C6orf120: variants seen among roughly 807,000 people sequenced by gnomAD.
The protein encoded by C6orf120 is chromosome 6 open reading frame 120.
For missense variants in C6orf120, 311 were observed against 264.2 expected (o/e 1.18, Z -1.23); for synonymous variants, 165 against 123.1 (o/e 1.34, Z -2.25).
chr6:169,705,438 A>G (rs561788446), downstream of C6orf120: 1 of 754,308 alleles, frequency 1.3e-6, no homozygotes, highest in African/African-American at 1.8e-5. Flanking sequence ...CAAATCGCCA[A>G]AGAGAAATGA....
exon 1 of C6orf120, chr6:169,703,966 C>G: frequency 6.9e-7 from 1 of 1,442,920 alleles, no homozygotes; most frequent in Non-Finnish European, 9.4e-7. Context: ...AAATATTCCA[C>G]TTAAATGCAT....
rs1269602732 is a variant in C6orf120, at chr6:169,704,161, T to C, written c.*1126T>C. 5 of 1,117,628 alleles carry C rather than the reference T, an allele frequency of 4.5e-6. No homozygotes were observed. In the Admixed American group the frequency reaches 1.5e-4, roughly 34 times the overall value. The allele number at this position is 1,117,628 out of a possible 1,614,324, so 69.2% of individuals were successfully genotyped here. A position where few individuals can be genotyped will look rare whatever the true frequency, so the allele number is the denominator to read the frequency against. On this transcript the variant is annotated 3_prime_UTR_variant, in exon 1 of 1. Coordinates refer to ENST00000332290, the Ensembl canonical transcript of C6orf120. ...CTGAATTTTAAGCCCATCTAAACTCTTCTGCCTTAGCTATCACTAATGATA... is the reference window on the plus strand; with the variant it reads ...CTGAATTTTAAGCCCATCTAAACTCCTCTGCCTTAGCTATCACTAATGATA...
downstream of C6orf120, chr6:169,704,897 T>C: frequency 2.6e-6 from 1 of 388,928 alleles, no homozygotes; most frequent in Non-Finnish European, 4.7e-6. Context: ...GCTCATTCTA[T>C]AGAACTATAC....
chr6:169,702,958 G>A (rs1788485317), exon 1 of C6orf120: 2 of 1,608,442 alleles, frequency 1.2e-6, no homozygotes, highest in Non-Finnish European at 8.5e-7. Context: ...CCCGGAAGAC[G>A]CCTCGCAAGA....
downstream of C6orf120, chr6:169,705,064 G>T: frequency 8.4e-7 from 1 of 1,187,034 alleles, no homozygotes; most frequent in Non-Finnish European, 1.2e-6. Flanking sequence ...TAGCGTTTAT[G>T]CAGCCTTTTG....
downstream of C6orf120, chr6:169,705,028 GA>G: frequency 2.7e-6 from 2 of 754,132 alleles, no homozygotes; most frequent in South Asian, 4.6e-5. Flanking sequence ...TTGCACATAA[GA>G]GTCCACAAGC....
At chr6:169,703,854 G>A (rs1406123444) in exon 1 of C6orf120, 13 of 614,008 alleles carry the variant, frequency 2.1e-5, no homozygotes, top group Admixed American at 1.2e-4. Flanking sequence ...AGTTAGTTTC[G>A]AGAGTAAGCG....
downstream of C6orf120, chr6:169,705,703 T>G (rs373121095): frequency 2.9e-5 from 46 of 1,577,092 alleles, no homozygotes; most frequent in Admixed American, 5.3e-4. Context: ...ATTCCACATA[T>G]AGCATTTGGA....
At chr6:169,706,278 C>T (rs1049105960), downstream of C6orf120, among the ~76,000 whole-genome samples, 4 of 151,896 alleles carry the variant, frequency 2.6e-5, no homozygotes, top group Non-Finnish European at 4.4e-5. Flanking sequence ...CATACATTGG[C>T]GTGTACATAA....
At chr6:169,703,320 T>G (rs1788550530) in exon 1 of C6orf120, 1 of 446,304 alleles carries the variant, frequency 2.2e-6, no homozygotes, top group African/African-American at 2.0e-5. Flanking sequence ...GTAACAGGTT[T>G]ATATAAAATA....
exon 1 of C6orf120, chr6:169,703,753 A>AAG: frequency 8.3e-6 from 4 of 479,334 alleles, no homozygotes; most frequent in Non-Finnish European, 1.5e-5. Context: ...AGAAACAGTT[A>AAG]AGTATCTTAA....
chr6:169,703,271 C>T (rs1788543176), exon 1 of C6orf120: 3 of 564,886 alleles, frequency 5.3e-6, no homozygotes, highest in South Asian at 2.4e-5. Context: ...AGTGTTTAGA[C>T]TCCATTTTCA....
At chr6:169,702,649 A>C in exon 1 of C6orf120, 1 of 1,613,410 alleles carries the variant, frequency 6.2e-7, no homozygotes, top group East Asian at 2.2e-5. Context: ...CCACGAGGGC[A>C]AGATAGTCCT....
At chr6:169,702,338 C>A (rs1585283924) in exon 1 of C6orf120, 3 of 652,024 alleles carry the variant, frequency 4.6e-6, no homozygotes, top group Middle Eastern at 4.1e-4. Context: ...AGCGACAGAC[C>A]AGGCGCCTGG....
At chr6:169,705,383 A>G (rs996328738), downstream of C6orf120, 45 of 1,162,286 alleles carry the variant, frequency 3.9e-5, no homozygotes, top group Non-Finnish European at 5.3e-5. Flanking sequence ...TATGGCACAT[A>G]AAATACTAGT....
chr6:169,705,181 C>T, downstream of C6orf120: 1 of 1,613,264 alleles, frequency 6.2e-7, no homozygotes, highest in Non-Finnish European at 8.5e-7. Flanking sequence ...TAACCTCTGT[C>T]ACACATATCA....
chr6:169,702,255 C>T, exon 1 of C6orf120: 2 of 690,024 alleles, frequency 2.9e-6, no homozygotes, highest in Admixed American at 2.0e-5. Flanking sequence ...CCTGAGTGGG[C>T]GCCGCGCTAC....
At chr6:169,703,519 T>C (rs1161191386) in exon 1 of C6orf120, 1 of 201,352 alleles carries the variant, frequency 5.0e-6, no homozygotes, top group African/African-American at 2.4e-5. Context: ...ATGGTACTTT[T>C]CTATACAAAA....
chr6:169,705,143 A>C, downstream of C6orf120: 2 of 1,605,902 alleles, frequency 1.2e-6, no homozygotes, highest in South Asian at 1.1e-5. Flanking sequence ...CTGATGGAAT[A>C]GCACCAAGGC....
Sources: gnomAD v4.1 joint callset for allele counts (sites outside exome capture counted in the v4.1 genomes callset) on GRCh38, gnomAD v4.1.1 for gene constraint, MANE v1.5 for transcripts, NCBI Gene and HGNC (gene_info 2026-07-23, HGNC 2026-07-21) for gene names.